TRPV3: variants seen among roughly 807,000 people sequenced by gnomAD.
The protein encoded by TRPV3 is VRL-3.
A neutral mutation model predicts 87.1 loss-of-function variants in TRPV3; 88 were observed. The ratio of observed to expected loss-of-function variants is 1.01; its 90% confidence interval spans 0.85 to 1.21. The LOEUF (loss-of-function observed/expected upper bound fraction) is 1.21, where lower values mean the gene tolerates loss of function less well. TRPV3 is among the 50% of genes most tolerant of loss of function. The pLI is 0.00. For synonymous variants in TRPV3, 438 were observed against 423.3 expected, an observed-to-expected ratio of 1.03 and a Z score of -0.43; for missense variants, 1,054 against 1,030.1, an observed-to-expected ratio of 1.02 and a Z score of -0.32.
At chr17:3,535,511 T>G in intron 7 of TRPV3, 62 bp downstream of exon 7, 1 of 1,095,260 alleles carries the variant, frequency 9.1e-7, no homozygotes, top group African/African-American at 1.9e-5. Context: ...CTTCCCTCCC[T>G]TCCTCTCCCG....
intron 7 of TRPV3, 58 bp from the exon 8 acceptor site, chr17:3,532,995 A>G: frequency 6.3e-7 from 1 of 1,589,810 alleles, no homozygotes; most frequent in Non-Finnish European, 8.6e-7. Flanking sequence ...AGCGTCCCCC[A>G]AGCCCCAGGA....
At chr17:3,535,354 TCCTC>T (rs2074398145) in intron 7 of TRPV3, among the ~76,000 whole-genome samples, 1 of 96,058 alleles carries the variant, frequency 1.0e-5, no homozygotes, top group African/African-American at 4.2e-5. Flanking sequence ...CTCCCTTCCT[TCCTC>T]CCTCATCCTT....
chr17:3,543,831 A>G (rs754241362), intron 4 of TRPV3, among the ~76,000 whole-genome samples: 26 of 152,164 alleles, frequency 1.7e-4, no homozygotes, highest in Non-Finnish European at 2.6e-4. Context: ...TTGTCAAAAT[A>G]CCTACATTTG....
At chr17:3,526,788 G>A (rs560125049) in intron 12 of TRPV3, 66 bp downstream of exon 12, 52 of 1,305,206 alleles carry the variant, frequency 4.0e-5, no homozygotes, top group East Asian at 4.9e-5. Flanking sequence ...AGGCGGACAC[G>A]GCAGCCACCA....
At position 3,544,644 on chromosome 17, in the gene TRPV3, G is replaced by A. The variant is rs748001785; in HGVS notation, c.246C>T (p.Asp82=). 41 of 1,609,796 alleles carry A rather than the reference G, an allele frequency of 2.5e-5. No individual in the cohort carries two copies. Among genetic ancestry groups the A allele is most frequent in the Non-Finnish European group, 3.3e-5 (39 of 1,179,154 alleles). Residue 82 remains aspartate, a synonymous_variant, in exon 4 of 18, where the codon GAC becomes GAT. Coordinates refer to ENST00000576742, the MANE Select transcript of TRPV3 (RefSeq NM_145068.4). The stretch of plus-strand genomic sequence containing the variant: ...CCTGAGGAGACTGGGGGGAGTCCAT[G>A]TCATCACAGTTACCAGAGATGCTGG... The part of the protein sequence containing the change: ...IRQCISGNCD[D]MDSPQSPQDD...
At chr17:3,554,908 G>A in intron 1 of TRPV3, 56 bp from the exon 2 acceptor site, 1 of 1,255,928 alleles carries the variant, frequency 8.0e-7, no homozygotes, top group South Asian at 1.4e-5. Context: ...GGAGCTTCAG[G>A]GAGTTTAGGG....
rs569559548 is a variant in TRPV3 at position 3,533,041 on chromosome 17, C to T, written c.785-104G>A. The T allele has an allele frequency of 3.8e-6, 5 of 1,328,948 alleles. No homozygotes were observed. In the South Asian group the frequency reaches 6.7e-5, roughly 18 times the overall value. The allele number at this position is 1,328,948 out of a possible 1,614,324, so 82.3% of individuals were successfully genotyped here. On this transcript the variant is annotated intron_variant, in intron 7 of 17. Transcript: ENST00000576742. Reference sequence around the variant, plus strand: ...TATCCTATCTCAGCAGGATGGGCACCTCAGGTTCCCTAGCCCTCTCCCCAT... The same window carrying T: ...TATCCTATCTCAGCAGGATGGGCACTTCAGGTTCCCTAGCCCTCTCCCCAT...
intron 13 of TRPV3, 137 bp downstream of exon 13, chr17:3,524,061 G>C: frequency 7.7e-6 from 9 of 1,161,974 alleles, no homozygotes; most frequent in Non-Finnish European, 1.1e-5. Context: ...CGAAAGCAAA[G>C]GGAGTGCATG....
intron 13 of TRPV3, among the ~76,000 whole-genome samples, chr17:3,522,638 G>T (rs553211954): frequency 6.7e-6 from 1 of 149,752 alleles, no homozygotes; most frequent in Non-Finnish European, 1.5e-5. Context: ...TGGCCAACAT[G>T]GCGAAACCCC....
chr17:3,513,832 T>A lies in TRPV3; in HGVS notation c.*85A>T, dbSNP rs886052853. Reference sequence around the variant, plus strand: ...AGGCCAGCAGAGCCGGACTCCACCATCCCTCAAAGCCTCTCTGCACAGAGT... The same window carrying A: ...AGGCCAGCAGAGCCGGACTCCACCAACCCTCAAAGCCTCTCTGCACAGAGT... On this transcript the variant is annotated 3_prime_UTR_variant, in exon 18 of 18. Coordinates refer to ENST00000576742, the MANE Select transcript of TRPV3 (RefSeq NM_145068.4). 1.4e-5 allele frequency: 17 copies of A among 1,194,162 alleles called. No individual in the cohort carries two copies. In the East Asian group the frequency reaches 4.0e-4, roughly 28 times the overall value. The allele number at this position is 1,194,162 out of a possible 1,614,324, so 74.0% of individuals were successfully genotyped here.
In TRPV3 at chr17:3,518,030, G is replaced by A. The variant is rs141308370; in HGVS notation, c.2085+546C>T. Among the ~76,000 whole-genome samples the A allele has an allele frequency of 3.5e-3, 537 of 152,128 alleles. 2 individuals are homozygous for A. Among genetic ancestry groups the A allele is most frequent in the African/African-American group, 0.013 (524 of 41,498 alleles). On this transcript the variant is annotated intron_variant, in intron 15 of 17. Coordinates refer to ENST00000576742, the MANE Select transcript of TRPV3 (RefSeq NM_145068.4). This position sits in a 1 kb window ranked among gnomAD's most constrained non-coding sequence, Gnocchi z 4.3. Reference sequence around the variant, plus strand: ...GATGAGGTTTCACCATGTTGGCCAAGCTGGGCTCGAACTCTTGACCTCAGG... The same window carrying A: ...GATGAGGTTTCACCATGTTGGCCAAACTGGGCTCGAACTCTTGACCTCAGG...
chr17:3,518,727 T>C lies in TRPV3; in HGVS notation c.1934A>G (p.Gln645Arg), dbSNP rs777224454. The change falls in exon 15 of 18, where the codon CAG becomes CGG. Residue 645 changes from glutamine (Q) to arginine (R), a missense_variant. Physicochemically the swap from Gln to Arg is conservative, Grantham distance 43. Transcript: ENST00000576742. This position sits in a 1 kb window ranked among gnomAD's most constrained non-coding sequence, Gnocchi z 4.3. The part of the protein sequence containing the change: ...LTIGLGDLNI[Q>R]QNSKYPILFL... ...GAGAATGGGATACTTGGAGTTCTGC[T>C]GGATGTTCAGGTCACCCAGGCCTAT... 61 of 1,613,536 alleles carry C rather than the reference T, an allele frequency of 3.8e-5. No homozygotes were observed. Among genetic ancestry groups the C allele is most frequent in the Non-Finnish European group, 1.0e-5 (12 of 1,179,844 alleles).
intron 8 of TRPV3, among the ~76,000 whole-genome samples, chr17:3,531,872 C>T (rs1432066670): frequency 6.6e-6 from 1 of 152,194 alleles, no homozygotes; most frequent in Admixed American, 6.5e-5. Context: ...AGGACCAAGG[C>T]CCTCGGGGCA....
At chr17:3,527,869 A>G in intron 11 of TRPV3, 156 bp downstream of exon 11, 1 of 635,116 alleles carries the variant, frequency 1.6e-6, no homozygotes. Context: ...GGCCAGCCTT[A>G]TCCATTTTTT....
chr17:3,545,144 G>A (rs771765754), intron 3 of TRPV3, 23 bp downstream of exon 3: 1 of 1,578,066 alleles, frequency 6.3e-7, no homozygotes, highest in Admixed American at 1.7e-5. Context: ...AGGGCAAGGG[G>A]TTGGGCTGGG....
Position 3,532,859 on chromosome 17 carries a change from T to G in TRPV3, c.863A>C (p.Asp288Ala). ...VQLLMEHEQT[D>A]ITSRDSRGNN... ...GCCTCGTGAGTCCCGCGAGGTGATG[T>G]CCGTCTGCTCGTGCTCCATCAGCAG... The change falls in exon 8 of 18, where the codon GAC becomes GCC. Residue 288 changes from aspartate to alanine, a missense_variant. Asp to Ala is a moderately radical substitution (Grantham distance 126). Coordinates refer to ENST00000576742, the MANE Select transcript of TRPV3 (RefSeq NM_145068.4). The G allele has an allele frequency of 6.2e-7, 1 of 1,614,228 alleles. No homozygotes were observed. The highest frequency in any genetic ancestry group is 8.5e-7 in the Non-Finnish European group (1 of 1,180,036).
intron 12 of TRPV3, among the ~76,000 whole-genome samples, chr17:3,526,092 C>G (rs1222989342): frequency 6.6e-6 from 1 of 152,132 alleles, no homozygotes; most frequent in Non-Finnish European, 1.5e-5. Context: ...AAAGTCACAA[C>G]ACAGGCACGA....
At position 3,513,843 on chromosome 17, in the gene TRPV3, CTCTCTGCACAGAG is replaced by C. The variant is rs1356606928; in HGVS notation, c.*61_*73del. ...GCCGGACTCCACCATCCCTCAAAGC[CTCTCTGCACAGAG>C]TCGGTGACTCCGCCTGCAGCGCCAG... is the stretch of plus-strand genomic sequence containing the variant. On this transcript the variant is annotated 3_prime_UTR_variant, in exon 18 of 18. Coordinates refer to ENST00000576742, the MANE Select transcript of TRPV3 (RefSeq NM_145068.4). The C allele has an allele frequency of 1.8e-5, 24 of 1,308,734 alleles. No homozygotes were observed. The East Asian group carries it at 5.1e-4, about 28-fold the overall frequency. The allele number at this position is 1,308,734 out of a possible 1,614,324, so 81.1% of individuals were successfully genotyped here. A position where few individuals can be genotyped will look rare whatever the true frequency, so the allele number is the denominator to read the frequency against.
At chr17:3,533,959 T>A (rs2074375014) in intron 7 of TRPV3, among the ~76,000 whole-genome samples, 3 of 152,172 alleles carry the variant, frequency 2.0e-5, no homozygotes, top group Admixed American at 2.0e-4. Context: ...CCTAGAACAG[T>A]GCCTGATGTA....
Sources: allele counts gnomAD v4.1 joint callset (sites outside exome capture counted in the v4.1 genomes callset), GRCh38; gene constraint gnomAD v4.1.1; non-coding constraint Gnocchi (gnomAD v3.1); transcripts MANE v1.5; gene names NCBI Gene and HGNC (gene_info 2026-07-23, HGNC 2026-07-21).